Variants in GLE1 observed in about 807,000 individuals in gnomAD.
GLE1 encodes the protein GLE1 RNA export mediator, also known as mRNA export factor GLE1.
A neutral mutation model predicts 97.3 loss-of-function variants in GLE1; 78 were observed. The observed-to-expected ratio is 0.80, with a 90% confidence interval of 0.67 to 0.97. The LOEUF (loss-of-function observed/expected upper bound fraction) is 0.97. Ranked by LOEUF, GLE1 falls within the 50% of genes least tolerant of loss-of-function variation. The probability of loss-of-function intolerance (pLI) is 0.00; values close to 1 mark genes in which losing one functional copy is unlikely to be tolerated. For synonymous variants in GLE1, 302 were observed against 313.4 expected (o/e 0.96, Z 0.39); for missense variants, 753 against 857.5 (o/e 0.88, Z 1.52).
chr9:128,514,610 G>T (rs954082460), intron 2 of GLE1, among the ~76,000 whole-genome samples: 5 of 151,940 alleles, frequency 3.3e-5, no homozygotes, highest in Admixed American at 6.6e-5. Flanking sequence ...GCCTAGGCAC[G>T]TGCCACCATG....
In GLE1 at chr9:128,508,970, CTCTG is replaced by C. The variant is rs1407708384; in HGVS notation, c.199_202del (p.Ser67ArgfsTer12). On this transcript the variant is annotated frameshift_variant, in exon 2 of 16. Transcript: ENST00000309971. LOFTEE classifies it high-confidence loss of function. The stretch of plus-strand genomic sequence containing the variant: ...CTACCCCATATGCAGGAGAACCAAC[CTCTG>C]TCTGAGACTTCGCCATCCTCTACGT... The C allele has an allele frequency of 9.9e-6, 16 of 1,611,216 alleles. No homozygotes were observed. Among genetic ancestry groups the C allele is most frequent in the Non-Finnish European group, 1.4e-5 (16 of 1,177,520 alleles).
intron 9 of GLE1, chr9:128,528,909 A>ACTAG (rs1847393699): frequency 6.6e-6 from 1 of 152,128 alleles, no homozygotes; most frequent in Non-Finnish European, 1.5e-5. Flanking sequence ...CAGATTATAG[A>ACTAG]CTGAGCTGCC....
chr9:128,533,906 T>C lies in GLE1; in HGVS notation c.1601T>C (p.Phe534Ser), dbSNP rs771478901. The C allele has an allele frequency of 6.2e-7, 1 of 1,613,636 alleles. No individual in the cohort carries two copies. Among genetic ancestry groups the C allele is most frequent in the South Asian group, 1.1e-5 (1 of 91,076 alleles). The change falls in exon 11 of 16, where the codon TTC becomes TCC. Residue 534 changes from phenylalanine (F) to serine (S), a missense_variant. Physicochemically the swap from Phe to Ser is radical, Grantham distance 155. Transcript: ENST00000309971. ...AAGAAGTGTCCTTACTCTGTTCCTT[T>C]CTATCCCACTTTCAAGGAGGGAATG... ...LHKKCPYSVP[F>S]YPTFKEGMAL...
chr9:128,536,190 T>C (rs1847703201), intron 11 of GLE1, among the ~76,000 whole-genome samples, 165 bp from the exon 12 acceptor site: 2 of 152,078 alleles, frequency 1.3e-5, no homozygotes, highest in African/African-American at 4.8e-5. Context: ...TGCACCACCA[T>C]ACCCAGTTAA....
chr9:128,537,066 C>T (rs1222378001), intron 12 of GLE1: 1 of 156,178 alleles, frequency 6.4e-6, no homozygotes, highest in African/African-American at 2.4e-5. Flanking sequence ...GTCAATAAGG[C>T]TAATTGTTAC....
intron 9 of GLE1, among the ~76,000 whole-genome samples, chr9:128,532,375 G>A (rs777322844): frequency 5.3e-5 from 8 of 151,348 alleles, no homozygotes; most frequent in African/African-American, 1.2e-4. Context: ...ACAGGCACCC[G>A]CCACCACACC....
rs565110597 is a variant in GLE1, at chr9:128,541,695, C to T, written c.*525C>T. ...GCCTTTCTCAGCTTGTGAAGTCATT[C>T]TAAAGCTAGAGGAAGTATGTGATAT... is the stretch of plus-strand genomic sequence containing the variant. On this transcript the variant is annotated 3_prime_UTR_variant, in exon 16 of 16. Transcript: ENST00000309971. The T allele has an allele frequency of 6.7e-4, 110 of 163,294 alleles. No individual in the cohort carries two copies. Among genetic ancestry groups the T allele is most frequent in the Non-Finnish European group, 1.4e-3 (104 of 74,146 alleles). 10.1% of individuals were successfully genotyped at this position (163,294 alleles called of 1,614,324 possible).
At chr9:128,515,007 G>A (rs1240468708) in intron 2 of GLE1, among the ~76,000 whole-genome samples, 2 of 151,970 alleles carry the variant, frequency 1.3e-5, no homozygotes, top group African/African-American at 2.4e-5. Context: ...TTTTAGTAGG[G>A]ACGGGGTTTC....
At chr9:128,510,771 T>A (rs1589043114) in intron 2 of GLE1, among the ~76,000 whole-genome samples, 1 of 151,024 alleles carries the variant, frequency 6.6e-6, no homozygotes, top group Non-Finnish European at 1.5e-5. Flanking sequence ...TCAGATGATC[T>A]ACCCACCTCG....
chr9:128,529,917 C>T (rs972316662), intron 9 of GLE1, among the ~76,000 whole-genome samples: 4 of 152,130 alleles, frequency 2.6e-5, no homozygotes, highest in African/African-American at 9.7e-5. Flanking sequence ...GCTGGGACTG[C>T]AGGCGCCTGC....
chr9:128,523,550 C>T, intron 5 of GLE1, 42 bp from the exon 6 acceptor site: 1 of 1,611,926 alleles, frequency 6.2e-7, no homozygotes, highest in African/African-American at 1.3e-5. Flanking sequence ...AGAAGAAGCC[C>T]AGGAACCCCT....
rs1847849036 is a variant in GLE1 at position 128,540,318 on chromosome 9, C to T, written c.2008C>T (p.Arg670Cys). 3.1e-6 allele frequency: 5 copies of T among 1,608,916 alleles called. No homozygotes were observed. Among genetic ancestry groups the T allele is most frequent in the Non-Finnish European group, 4.3e-6 (5 of 1,175,412 alleles). The change falls in exon 15 of 16, where the codon CGC (arginine) becomes TGC (cysteine). Residue 670 changes from arginine to cysteine, a missense_variant. By Grantham distance (180) the Arg-to-Cys change is radical. Coordinates refer to ENST00000309971, the MANE Select transcript of GLE1 (RefSeq NM_001003722.2). ...CTCAGGACAGATGGGCTCCTTCATACGCCTCAAGCAGTTCTTGGAGGTAAG... is the reference window on the plus strand; with the variant it reads ...CTCAGGACAGATGGGCTCCTTCATATGCCTCAAGCAGTTCTTGGAGGTAAG... ...TSSGQMGSFI[R>C]LKQFLEKCLQ...
chr9:128,528,545 C>T (rs1019373170), intron 9 of GLE1, among the ~76,000 whole-genome samples: 3 of 152,100 alleles, frequency 2.0e-5, no homozygotes, highest in South Asian at 4.1e-4. Flanking sequence ...CCTTGTGATC[C>T]GCCCGCCTCA....
At chr9:128,523,454 G>A (rs1847210054) in intron 5 of GLE1, 114 bp downstream of exon 5, 2 of 1,388,320 alleles carry the variant, frequency 1.4e-6, no homozygotes, top group Admixed American at 1.7e-5. Context: ...TTATGCCTGT[G>A]TATGACTAAC....
chr9:128,529,402 C>A (rs1233948729), intron 9 of GLE1, among the ~76,000 whole-genome samples: 2 of 152,170 alleles, frequency 1.3e-5, no homozygotes, highest in African/African-American at 4.8e-5. Flanking sequence ...TGCCCTTGTT[C>A]CCTTTCCTTC....
intron 3 of GLE1, 35 bp downstream of exon 3, chr9:128,515,674 C>A (rs747505993): frequency 1.8e-6 from 2 of 1,121,600 alleles, no homozygotes; most frequent in Non-Finnish European, 2.7e-6. Context: ...AGCCTTGATC[C>A]TGCGAGCCAC....
intron 1 of GLE1, among the ~76,000 whole-genome samples, chr9:128,507,132 C>G (rs1409950642): frequency 6.6e-6 from 1 of 152,144 alleles, no homozygotes; most frequent in Non-Finnish European, 1.5e-5. Context: ...AAACCAAGAT[C>G]TGGTACTAGA....
At chr9:128,523,462 A>G (rs935949705) in intron 5 of GLE1, 122 bp downstream of exon 5, 2 of 1,400,402 alleles carry the variant, frequency 1.4e-6, no homozygotes, top group South Asian at 2.3e-5. Context: ...GTGTATGACT[A>G]ACCTTGGGAT....
chr9:128,512,484 A>C (rs561405403), intron 2 of GLE1, among the ~76,000 whole-genome samples: 40 of 152,286 alleles, frequency 2.6e-4, no homozygotes, highest in Admixed American at 8.5e-4. Flanking sequence ...GTATTTTTGC[A>C]ACCTTCTGTG....
Sources: allele counts gnomAD v4.1 joint callset (sites outside exome capture counted in the v4.1 genomes callset), GRCh38; gene constraint gnomAD v4.1.1; transcripts MANE v1.5; gene names NCBI Gene and HGNC (gene_info 2026-07-23, HGNC 2026-07-21).